The following STX18 variants were observed in gnomAD, a reference collection of about 807,000 sequenced individuals.
STX18 encodes the protein syntaxin 18.
In STX18, 40 loss-of-function variants were observed where a neutral mutation model predicts 50.1. That is an observed-to-expected ratio of 0.80 (90% CI 0.62 to 1.04). STX18 has a LOEUF of 1.04. Ranked by LOEUF, STX18 falls within the 50% of genes least tolerant of loss-of-function variation. The pLI is 0.00. For missense variants in STX18, 410 were observed against 415.8 expected (o/e 0.99, Z 0.12); for synonymous variants, 158 against 151.8 (o/e 1.04, Z -0.30).
chr4:4,460,832 C>A (rs1249842762), intron 2 of STX18, among the ~76,000 whole-genome samples: 1 of 152,150 alleles, frequency 6.6e-6, no homozygotes, highest in Non-Finnish European at 1.5e-5. Context: ...AGGCGCTAAG[C>A]CAGCAAGCTC....
At chr4:4,477,266 C>T (rs2108843753) in intron 1 of STX18, among the ~76,000 whole-genome samples, 1 of 152,118 alleles carries the variant, frequency 6.6e-6, no homozygotes, top group Admixed American at 6.5e-5. Context: ...CGAAACAAAA[C>T]AAACTCATGT....
intron 9 of STX18, among the ~76,000 whole-genome samples, chr4:4,422,538 C>T (rs1271844015): frequency 6.7e-6 from 1 of 148,392 alleles, no homozygotes; most frequent in Non-Finnish European, 1.5e-5. Context: ...CATTGCACTC[C>T]AGCCTGGGCG....
intron 5 of STX18, among the ~76,000 whole-genome samples, chr4:4,456,222 C>T (rs1727060086): frequency 6.6e-6 from 1 of 151,720 alleles, no homozygotes; most frequent in South Asian, 2.1e-4. Context: ...CGTGCCACTG[C>T]ACTCCATCCT....
At chr4:4,461,924 C>T in intron 2 of STX18, 1 of 456,270 alleles carries the variant, frequency 2.2e-6, no homozygotes, top group Non-Finnish European at 4.4e-6. Context: ...AGCAGAGGTT[C>T]CGCTCTGTTC....
At position 4,470,042 on chromosome 4, in the gene STX18, G is replaced by C. The variant is rs78989326; in HGVS notation, c.236+1597C>G. 3.5e-4 allele frequency among the ~76,000 whole-genome samples: 53 copies of C among 152,254 alleles called. 1 individual carries two copies. In the East Asian group the frequency reaches 0.01, roughly 29 times the overall value. ...TATGACCTAATGTACTATACACGTA[G>C]TGCTTGTCTTTGCCAGCCCACGAGA... On this transcript the variant is annotated intron_variant, in intron 2 of 10. Coordinates refer to ENST00000306200, the MANE Select transcript of STX18 (RefSeq NM_016930.4).
chr4:4,423,652 C>A (rs756674478), intron 8 of STX18, 65 bp from the exon 9 acceptor site: 5 of 1,502,958 alleles, frequency 3.3e-6, no homozygotes, highest in Non-Finnish European at 4.6e-6. Context: ...GACTGTTACA[C>A]ACTTCTAAAG....
At chr4:4,452,856 C>T (rs1438893982) in intron 5 of STX18, among the ~76,000 whole-genome samples, 1 of 152,168 alleles carries the variant, frequency 6.6e-6, no homozygotes, top group East Asian at 1.9e-4. Flanking sequence ...GTCAAAATAT[C>T]AACTTTAACA....
intron 1 of STX18, among the ~76,000 whole-genome samples, chr4:4,531,054 T>A (rs1333405535): frequency 6.6e-6 from 1 of 152,132 alleles, no homozygotes; most frequent in East Asian, 1.9e-4. Context: ...ACTAAAAATT[T>A]ATTTTTTTCC....
chr4:4,441,041 A>G (rs1368749610), intron 5 of STX18, among the ~76,000 whole-genome samples: 1 of 152,162 alleles, frequency 6.6e-6, no homozygotes, highest in Non-Finnish European at 1.5e-5. Context: ...GCTTGCTGGG[A>G]GCCTCATTTC....
chr4:4,451,684 A>AT (rs1726760897), intron 5 of STX18, among the ~76,000 whole-genome samples: 1 of 152,214 alleles, frequency 6.6e-6, no homozygotes, highest in Non-Finnish European at 1.5e-5. Flanking sequence ...GCACGTTCAC[A>AT]TAAGACAGCG....
intron 1 of STX18, among the ~76,000 whole-genome samples, chr4:4,520,214 T>TA (rs1730449337): frequency 6.6e-6 from 1 of 152,200 alleles, no homozygotes; most frequent in Admixed American, 6.5e-5. Flanking sequence ...ATGCTGAAAT[T>TA]AAATAGTATT....
At chr4:4,461,998 G>A (rs906622974) in intron 2 of STX18, 18 of 456,226 alleles carry the variant, frequency 3.9e-5, no homozygotes, top group South Asian at 1.5e-4. Flanking sequence ...CTGCGGCTGC[G>A]CAGTGGCACT....
chr4:4,467,058 A>T (rs1577348714), intron 2 of STX18, among the ~76,000 whole-genome samples: 1 of 152,298 alleles, frequency 6.6e-6, no homozygotes, highest in East Asian at 1.9e-4. Flanking sequence ...GCATGGTGCC[A>T]GCTGATCCAT....
At chr4:4,460,377 T>G (rs1727316997) in intron 2 of STX18, among the ~76,000 whole-genome samples, 1 of 152,098 alleles carries the variant, frequency 6.6e-6, no homozygotes, top group South Asian at 2.1e-4. Context: ...AGTAAGTTCC[T>G]CCTAAACCGA....
chr4:4,531,250 T>C (rs1295983511), intron 1 of STX18, among the ~76,000 whole-genome samples: 2 of 152,150 alleles, frequency 1.3e-5, no homozygotes, highest in Non-Finnish European at 2.9e-5. Flanking sequence ...TTTTGGTATA[T>C]ATGCTGCCAA....
chr4:4,478,273 G>A (rs1036684406), intron 1 of STX18, among the ~76,000 whole-genome samples: 2 of 150,706 alleles, frequency 1.3e-5, no homozygotes, highest in African/African-American at 4.9e-5. Context: ...TGTCTCCTCT[G>A]AAGTTGGCTA....
At chr4:4,475,700 C>A (rs1728140912) in intron 1 of STX18, among the ~76,000 whole-genome samples, 1 of 152,246 alleles carries the variant, frequency 6.6e-6, no homozygotes. Flanking sequence ...CTGGCAAAGA[C>A]CGCATATTAT....
intron 1 of STX18, among the ~76,000 whole-genome samples, chr4:4,540,041 G>C (rs1383939867): frequency 6.6e-6 from 1 of 152,136 alleles, no homozygotes; most frequent in African/African-American, 2.4e-5. Flanking sequence ...AGAAGTGCTT[G>C]GGCCAAACTG....
chr4:4,454,541 G>A (rs1161818283), intron 5 of STX18, among the ~76,000 whole-genome samples: 1 of 152,198 alleles, frequency 6.6e-6, no homozygotes, highest in African/African-American at 2.4e-5. Context: ...CCATCTTGAT[G>A]ACAAATCACG....
Sources: allele counts gnomAD v4.1 joint callset (sites outside exome capture counted in the v4.1 genomes callset), GRCh38; gene constraint gnomAD v4.1.1; transcripts MANE v1.5; gene names NCBI Gene and HGNC (gene_info 2026-07-23, HGNC 2026-07-21).